CARMIL1: variants seen among roughly 807,000 people sequenced by gnomAD.
CARMIL1 encodes the protein capping protein regulator and myosin 1 linker 1, also known as F-actin-uncapping protein LRRC16A.
In CARMIL1, 90 loss-of-function variants were observed where a neutral mutation model predicts 177.1. The ratio of observed to expected loss-of-function variants is 0.51; its 90% confidence interval spans 0.43 to 0.61. The LOEUF (loss-of-function observed/expected upper bound fraction) is 0.61, where lower values mean the gene tolerates loss of function less well. Ranked by LOEUF, CARMIL1 falls within the 20% of genes least tolerant of loss-of-function variation. CARMIL1 has a pLI of 0.00. For missense variants in CARMIL1, 1,380 were observed against 1,667.0 expected, an observed-to-expected ratio of 0.83 and a Z score of 3.00; for synonymous variants, 577 against 606.2, an observed-to-expected ratio of 0.95 and a Z score of 0.71.
At chr6:25,442,236 G>A (rs1876372) in intron 5 of CARMIL1, among the ~76,000 whole-genome samples, 20,030 of 150,090 alleles carry the variant, frequency 0.13, 1,468 homozygotes, top group African/African-American at 0.19. Context: ...TGGACAAAGA[G>A]TTGGTGTGTT....
chr6:25,554,437 A>G lies in CARMIL1; in HGVS notation c.2592+341A>G, dbSNP rs1435269653. On this transcript the variant is annotated intron_variant, in intron 28 of 36. Coordinates refer to ENST00000329474, the MANE Select transcript of CARMIL1 (RefSeq NM_017640.6). This position sits in a 1 kb window ranked among gnomAD's most constrained non-coding sequence, Gnocchi z 4.6. The stretch of plus-strand genomic sequence containing the variant: ...TATCTTTGCTCATTTTGTTGTTGAT[A>G]TGATTATTTGATAATGGACTATTCT... 1.3e-5 allele frequency among the ~76,000 whole-genome samples: 2 copies of G among 152,240 alleles called. No individual in the cohort carries two copies. Among genetic ancestry groups the G allele is most frequent in the East Asian group, 3.8e-4 (2 of 5,200 alleles).
chr6:25,292,777 A>C (rs1201079116), intron 2 of CARMIL1, among the ~76,000 whole-genome samples: 1 of 152,122 alleles, frequency 6.6e-6, no homozygotes, highest in Non-Finnish European at 1.5e-5. Flanking sequence ...CAGGGCAATT[A>C]GGTATATACC....
chr6:25,465,985 T>C (rs1215643497), intron 9 of CARMIL1, 37 bp downstream of exon 9: 1 of 1,493,626 alleles, frequency 6.7e-7, no homozygotes. Context: ...TTGCTTGGCT[T>C]TGCTGAATTT....
intron 2 of CARMIL1, among the ~76,000 whole-genome samples, chr6:25,413,901 A>G (rs562478986): frequency 1.3e-5 from 2 of 152,320 alleles, no homozygotes; most frequent in African/African-American, 2.4e-5. Flanking sequence ...AGAAGTTTCA[A>G]TATCTTTGTA....
chr6:25,450,463 T>C lies in CARMIL1; in HGVS notation c.540+54T>C. On this transcript the variant is annotated intron_variant, in intron 7 of 36. Coordinates refer to ENST00000329474, the MANE Select transcript of CARMIL1 (RefSeq NM_017640.6). ...GCACACACACTCCTGGAGAATATTCTAATGTTTGGCTGGCTTGTTTTTCTT... is the reference window on the plus strand; with the variant it reads ...GCACACACACTCCTGGAGAATATTCCAATGTTTGGCTGGCTTGTTTTTCTT... 2.1e-6 allele frequency: 3 copies of C among 1,437,874 alleles called. No individual in the cohort carries two copies. The South Asian group carries it at 3.6e-5, about 17-fold the overall frequency. The allele number at this position is 1,437,874 out of a possible 1,614,324, so 89.1% of individuals were successfully genotyped here. A position where few individuals can be genotyped will look rare whatever the true frequency, so the allele number is the denominator to read the frequency against.
At chr6:25,290,799 C>A (rs1781895672) in intron 2 of CARMIL1, among the ~76,000 whole-genome samples, 1 of 152,070 alleles carries the variant, frequency 6.6e-6, no homozygotes, top group African/African-American at 2.4e-5. Flanking sequence ...CCCCCCGGCC[C>A]CTGAACGACA....
intron 2 of CARMIL1, among the ~76,000 whole-genome samples, chr6:25,383,917 C>T (rs930534426): frequency 1.3e-5 from 2 of 152,190 alleles, no homozygotes; most frequent in Non-Finnish European, 2.9e-5. Flanking sequence ...TGGCTCACTG[C>T]AACCTCCACC....
intron 31 of CARMIL1, among the ~76,000 whole-genome samples, chr6:25,583,516 A>G (rs1813326548): frequency 6.7e-6 from 1 of 149,594 alleles, no homozygotes; most frequent in Non-Finnish European, 1.5e-5. Flanking sequence ...TAGGGGTTCA[A>G]CAATACTCAT....
chr6:25,479,105 C>T (rs1801852093), intron 11 of CARMIL1: 3 of 518,768 alleles, frequency 5.8e-6, no homozygotes, highest in South Asian at 4.2e-5. Flanking sequence ...TTGTTTCTCC[C>T]AGAAACCACT....
chr6:25,585,516 T>C (rs996853953), intron 31 of CARMIL1, among the ~76,000 whole-genome samples: 1 of 152,110 alleles, frequency 6.6e-6, no homozygotes, highest in Non-Finnish European at 1.5e-5. Context: ...ATTTATGTAA[T>C]ATGAAGAGTA....
intron 2 of CARMIL1, among the ~76,000 whole-genome samples, chr6:25,369,637 G>C (rs1318108311): frequency 6.6e-6 from 1 of 151,990 alleles, no homozygotes; most frequent in Admixed American, 6.6e-5. Flanking sequence ...AGGAAGGCTG[G>C]GCCTTTGGTT....
rs1056578270 is a variant in CARMIL1, at chr6:25,612,726, C to A, written c.3979+2545C>A. 15 of 983,072 alleles carry A rather than the reference C, an allele frequency of 1.5e-5. No homozygotes were observed. The African/African-American group carries it at 2.1e-4, about 14-fold the overall frequency. 60.9% of individuals were successfully genotyped at this position (983,072 alleles called of 1,614,324 possible). A position where few individuals can be genotyped will look rare whatever the true frequency, so the allele number is the denominator to read the frequency against. On this transcript the variant is annotated intron_variant, in intron 36 of 36. Transcript: ENST00000329474. ...ATAATATAAAGGGTAAAATAAATCC[C>A]TTTTCCTCAGTAGTGCAAAGAGGAG...
chr6:25,496,333 C>G (rs1339133048), intron 16 of CARMIL1, among the ~76,000 whole-genome samples: 1 of 151,936 alleles, frequency 6.6e-6, no homozygotes, highest in Non-Finnish European at 1.5e-5. Context: ...CAAAAATTAA[C>G]CAGGCATGGT....
At chr6:25,317,729 A>C (rs1445803626) in intron 2 of CARMIL1, among the ~76,000 whole-genome samples, 4 of 151,848 alleles carry the variant, frequency 2.6e-5, no homozygotes. Flanking sequence ...GCTAATTAAA[A>C]AAAAAAATTC....
At chr6:25,555,875 C>G (rs1437259817) in intron 28 of CARMIL1, among the ~76,000 whole-genome samples, 2 of 151,962 alleles carry the variant, frequency 1.3e-5, no homozygotes, top group East Asian at 3.8e-4. Context: ...TTTGTTTTTT[C>G]TTAAAGAATT....
chr6:25,543,830 T>C (rs923620408), intron 26 of CARMIL1, among the ~76,000 whole-genome samples: 23 of 152,130 alleles, frequency 1.5e-4, no homozygotes, highest in African/African-American at 5.3e-4. Context: ...TGTATTTGCT[T>C]GTAATGAATT....
intron 32 of CARMIL1, among the ~76,000 whole-genome samples, chr6:25,598,362 T>C (rs548142018): frequency 6.6e-6 from 1 of 152,042 alleles, no homozygotes; most frequent in African/African-American, 2.4e-5. Context: ...CCTCAGACTC[T>C]TGATTAGCTG....
chr6:25,291,989 GT>G (rs1315098823), intron 2 of CARMIL1, among the ~76,000 whole-genome samples: 4 of 152,198 alleles, frequency 2.6e-5, no homozygotes, highest in Admixed American at 6.5e-5. Context: ...GTACCTCGTA[GT>G]TGTTCTCTGA....
intron 12 of CARMIL1, among the ~76,000 whole-genome samples, chr6:25,484,245 A>G (rs1802412302): frequency 6.6e-6 from 1 of 152,160 alleles, no homozygotes; most frequent in Non-Finnish European, 1.5e-5. Flanking sequence ...TGCCTCGTTC[A>G]TTGCTGTGTC....
Sources: gnomAD v4.1 joint callset for allele counts (sites outside exome capture counted in the v4.1 genomes callset) on GRCh38, gnomAD v4.1.1 for gene constraint, Gnocchi (gnomAD v3.1) non-coding constraint, MANE v1.5 for transcripts, NCBI Gene and HGNC (gene_info 2026-07-23, HGNC 2026-07-21) for gene names.